The following CEP85L variants were observed in gnomAD, a reference collection of about 807,000 sequenced individuals.
CEP85L encodes the protein centrosomal protein of 85 kDa-like.
In CEP85L, 60 loss-of-function variants were observed where a neutral mutation model predicts 100.3. The ratio of observed to expected loss-of-function variants is 0.60; its 90% CI spans 0.49 to 0.74. The LOEUF is 0.74. Ranked by LOEUF, CEP85L falls within the 30% of genes least tolerant of loss-of-function variation. The pLI is 0.00. For missense variants in CEP85L, 973 were observed against 936.2 expected (o/e 1.04, Z -0.51); for synonymous variants, 319 against 322.7 (o/e 0.99, Z 0.12).
intron 3 of CEP85L, among the ~76,000 whole-genome samples, chr6:118,546,722 G>A (rs997725567): frequency 3.9e-5 from 6 of 151,952 alleles, no homozygotes; most frequent in African/African-American, 1.4e-4. Flanking sequence ...TGTAAACCTC[G>A]TTAGGCTTCT....
At chr6:118,657,740 A>G (rs552838472) in intron 1 of CEP85L, among the ~76,000 whole-genome samples, 30 of 152,152 alleles carry the variant, frequency 2.0e-4, no homozygotes, top group African/African-American at 6.5e-4. Context: ...CTGCCCCCCA[A>G]TTAAAAAAGT....
At chr6:118,645,952 G>A (rs1360483677) in intron 1 of CEP85L, among the ~76,000 whole-genome samples, 1 of 152,180 alleles carries the variant, frequency 6.6e-6, no homozygotes. Flanking sequence ...AGGCGTGGTG[G>A]CTCACGCCTT....
At chr6:118,605,922 G>A (rs1008155429) in intron 2 of CEP85L, among the ~76,000 whole-genome samples, 2 of 151,168 alleles carry the variant, frequency 1.3e-5, no homozygotes, top group Admixed American at 6.6e-5. Context: ...GCTGAGGCAG[G>A]AGAATCGCTT....
At chr6:118,651,916 T>A (rs1432580608), upstream of CEP85L, 1 of 985,368 alleles carries the variant, frequency 1.0e-6, no homozygotes, top group Non-Finnish European at 1.2e-6. Context: ...TGAAGACACG[T>A]GGAAGACCTG....
At chr6:118,598,608 G>C (rs980034377) in intron 2 of CEP85L, among the ~76,000 whole-genome samples, 1 of 152,074 alleles carries the variant, frequency 6.6e-6, no homozygotes, top group Non-Finnish European at 1.5e-5. Context: ...ATATACTAAG[G>C]ACTGCCAGTA....
At chr6:118,549,049 AT>A (rs1281429616) in intron 3 of CEP85L, among the ~76,000 whole-genome samples, 1 of 152,040 alleles carries the variant, frequency 6.6e-6, no homozygotes, top group Non-Finnish European at 1.5e-5. Context: ...CTGATATTAA[AT>A]TCAATATTGT....
upstream of CEP85L, chr6:118,652,543 T>G: frequency 2.1e-6 from 3 of 1,413,416 alleles, no homozygotes; most frequent in Non-Finnish European, 2.8e-6. Flanking sequence ...GCAGGTCGCT[T>G]AACTAGAGAG....
At chr6:118,609,527 T>G (rs1772469279) in intron 2 of CEP85L, among the ~76,000 whole-genome samples, 1 of 152,228 alleles carries the variant, frequency 6.6e-6, no homozygotes, top group South Asian at 2.1e-4. Context: ...CACTTACACC[T>G]ATATGACAAC....
intron 2 of CEP85L, among the ~76,000 whole-genome samples, chr6:118,607,927 G>A (rs1431698514): frequency 1.3e-5 from 2 of 152,074 alleles, no homozygotes; most frequent in East Asian, 3.9e-4. Context: ...TTACAGGAAC[G>A]AGGTCCTGAT....
Position 118,470,578 on chromosome 6 carries a change from T to G in CEP85L, c.1981A>C (p.Lys661Gln), listed in dbSNP as rs755296777. ...TQKMMEELEK[K>Q]ERNVQRLTKA... is the part of the protein sequence containing the mutation. ...GTTAATCTCTGTACATTTCTTTCTT[T>G]CTTTTCCAGCTCTTCCATCATCTTT... Residue 661 changes from lysine to glutamine, a missense_variant, in exon 11 of 13, where the codon AAA becomes CAA. Lys to Gln is a moderately conservative substitution (Grantham distance 53). Transcript: ENST00000368491. 1 of 1,607,264 alleles carries G rather than the reference T, an allele frequency of 6.2e-7. No homozygotes were observed. Among genetic ancestry groups the G allele is most frequent in the South Asian group, 1.1e-5 (1 of 90,122 alleles).
intron 6 of CEP85L, among the ~76,000 whole-genome samples, chr6:118,489,823 C>A (rs1774429446): frequency 6.6e-6 from 1 of 152,096 alleles, no homozygotes. Flanking sequence ...GATCTCTGAG[C>A]AACATTTGTA....
intron 2 of CEP85L, among the ~76,000 whole-genome samples, chr6:118,626,496 G>A (rs945900398): frequency 1.3e-5 from 2 of 152,066 alleles, no homozygotes; most frequent in African/African-American, 2.4e-5. Context: ...AGCATAAGTC[G>A]CAATTTCAGA....
chr6:118,611,628 T>C (rs1772621714), intron 2 of CEP85L, among the ~76,000 whole-genome samples: 1 of 152,136 alleles, frequency 6.6e-6, no homozygotes, highest in South Asian at 2.1e-4. Context: ...CCTCAAATAA[T>C]AACATAGATA....
chr6:118,583,352 C>G (rs550081029), intron 2 of CEP85L, among the ~76,000 whole-genome samples: 66 of 152,310 alleles, frequency 4.3e-4, no homozygotes, highest in African/African-American at 1.5e-3. Flanking sequence ...CCCCTCTTCC[C>G]AGAGCACAAC....
In CEP85L at chr6:118,648,297, CAGTTACTCCAAA is replaced by C. The variant is rs1228598440; in HGVS notation, c.73+2888_73+2899del. Among the ~76,000 whole-genome samples, 3 of 152,220 alleles carry C rather than the reference CAGTTACTCCAAA, an allele frequency of 2.0e-5. No individual in the cohort carries two copies. In the East Asian group the frequency reaches 5.8e-4, roughly 29 times the overall value. On this transcript the variant is annotated intron_variant, in intron 1 of 12. Coordinates refer to ENST00000368491, the MANE Select transcript of CEP85L (RefSeq NM_001042475.3). ...TACTCATTTTATTTTTGGTTTATAA[CAGTTACTCCAAA>C]AAGCTGAAAAATGGGAAAAGCCAAA...
chr6:118,701,449 AAG>A (rs1399005970), intron 1 of CEP85L, among the ~76,000 whole-genome samples: 2 of 152,246 alleles, frequency 1.3e-5, no homozygotes, highest in Admixed American at 1.3e-4. Flanking sequence ...AGCCATAAAA[AAG>A]AACAAGTTCG....
chr6:118,465,482 T>G lies in CEP85L; in HGVS notation c.2341A>C (p.Arg781=). The change falls in exon 13 of 13, where the codon AGA becomes CGA. Residue 781 remains arginine (R), a synonymous_variant. Coordinates refer to ENST00000368491, the MANE Select transcript of CEP85L (RefSeq NM_001042475.3). ...KKLSDVCQLR[R]DIDELRTTIS... is the part of the protein sequence containing the mutation. ...GTAGTCCTTAATTCATCAATGTCTC[T>G]TCGTAACTGGCACACATCTGACAGC... 6.2e-7 allele frequency: 1 copy of G among 1,613,694 alleles called. No homozygotes were observed. The highest frequency in any genetic ancestry group is 8.5e-7 in the Non-Finnish European group (1 of 1,179,674).
At chr6:118,495,919 GAT>G (rs1222002819) in intron 5 of CEP85L, among the ~76,000 whole-genome samples, 4 of 152,322 alleles carry the variant, frequency 2.6e-5, no homozygotes, top group African/African-American at 9.6e-5. Flanking sequence ...GCTTTTGTGT[GAT>G]ATATTTTCAG....
intron 3 of CEP85L, among the ~76,000 whole-genome samples, chr6:118,562,570 G>A (rs185805723): frequency 2.9e-3 from 441 of 152,202 alleles, no homozygotes; most frequent in Non-Finnish European, 5.1e-3. Context: ...TCATTGCCCA[G>A]GCTGGTCCCA....
Sources: gnomAD v4.1 joint callset for allele counts (sites outside exome capture counted in the v4.1 genomes callset) on GRCh38, gnomAD v4.1.1 for gene constraint, MANE v1.5 for transcripts, NCBI Gene and HGNC (gene_info 2026-07-23, HGNC 2026-07-21) for gene names.